The following MYO16 variants were observed in gnomAD, a reference collection of about 807,000 sequenced individuals.
MYO16 encodes the protein unconventional myosin-XVI.
MYO16 carries 94 observed loss-of-function variants against 205.3 expected under a neutral mutation model. The ratio of observed to expected loss-of-function variants is 0.46; its 90% CI spans 0.39 to 0.54. The LOEUF (loss-of-function observed/expected upper bound fraction) is 0.54. Among genes scored for constraint, MYO16 ranks in the 20% least tolerant of loss-of-function variants. MYO16 has a pLI of 0.00. For synonymous variants in MYO16, 988 were observed against 954.0 expected (o/e 1.04, Z -0.66); for missense variants, 2,315 against 2,387.5 (o/e 0.97, Z 0.63).
chr13:108,643,224 T>C (rs1566524002), intron 1 of MYO16, among the ~76,000 whole-genome samples: 1 of 152,204 alleles, frequency 6.6e-6, no homozygotes, highest in African/African-American at 2.4e-5. Flanking sequence ...CTTTGCCTTT[T>C]CCAGAATGTC....
chr13:108,858,821 A>C (rs994213206), intron 11 of MYO16, among the ~76,000 whole-genome samples: 2 of 152,108 alleles, frequency 1.3e-5, no homozygotes, highest in South Asian at 4.1e-4. Flanking sequence ...TAAAGCCGCA[A>C]CGCTTTCCCC....
At chr13:108,613,252 T>C (rs1879239678) in intron 1 of MYO16, among the ~76,000 whole-genome samples, 1 of 152,202 alleles carries the variant, frequency 6.6e-6, no homozygotes, top group Non-Finnish European at 1.5e-5. Context: ...ATAATCTTTC[T>C]GGATTTGACA....
At chr13:109,158,125 C>G (rs1878167127) in intron 32 of MYO16, among the ~76,000 whole-genome samples, 1 of 152,108 alleles carries the variant, frequency 6.6e-6, no homozygotes, top group African/African-American at 2.4e-5. Context: ...CTCATGTTCC[C>G]CAGAGTGGCC....
At chr13:109,003,696 A>G (rs933752518) in intron 21 of MYO16, among the ~76,000 whole-genome samples, 2 of 152,238 alleles carry the variant, frequency 1.3e-5, no homozygotes, top group African/African-American at 4.8e-5. Flanking sequence ...AGTGAAGCCA[A>G]TATTCAATTC....
intron 4 of MYO16, among the ~76,000 whole-genome samples, chr13:108,753,397 A>G (rs78240580): frequency 6.9e-6 from 1 of 144,038 alleles, no homozygotes; most frequent in Non-Finnish European, 1.5e-5. Context: ...AAAAAAAAAC[A>G]ATAAAATATA....
At chr13:108,735,409 G>A (rs573365500) in intron 4 of MYO16, among the ~76,000 whole-genome samples, 1 of 152,076 alleles carries the variant, frequency 6.6e-6, no homozygotes, top group East Asian at 1.9e-4. Context: ...ATCATTTCCA[G>A]CTTCATCCAT....
At chr13:108,569,244 A>G in the MYO16 span, among the ~76,000 whole-genome samples, 1 of 152,158 alleles carries the variant, frequency 6.6e-6, no homozygotes, top group African/African-American at 2.4e-5. Flanking sequence ...TTGTAAATCA[A>G]TCTGAAGAGT....
intron 9 of MYO16, among the ~76,000 whole-genome samples, chr13:108,835,088 A>ATTG (rs1555303865): frequency 1.0e-3 from 92 of 88,554 alleles, no homozygotes; most frequent in African/African-American, 2.5e-3. Context: ...ATTACTTAGA[A>ATTG]TTTTTTTTTT....
chr13:109,178,932 A>C (rs986717268), intron 33 of MYO16, among the ~76,000 whole-genome samples: 1 of 152,234 alleles, frequency 6.6e-6, no homozygotes, highest in Non-Finnish European at 1.5e-5. Flanking sequence ...GTTGAGGGAC[A>C]TGTAAAGTTT....
At chr13:109,148,782 A>G (rs1314597667) in intron 32 of MYO16, among the ~76,000 whole-genome samples, 2 of 152,182 alleles carry the variant, frequency 1.3e-5, no homozygotes, top group Non-Finnish European at 2.9e-5. Flanking sequence ...AAGAAGAAAG[A>G]GGTAAATGCC....
intron 23 of MYO16, among the ~76,000 whole-genome samples, chr13:109,033,035 G>A (rs543691126): frequency 7.2e-5 from 11 of 152,204 alleles, no homozygotes; most frequent in African/African-American, 9.6e-5. Context: ...AAATTAAGGC[G>A]TATTTATAAG....
At chr13:109,059,797 C>T (rs1887530244) in intron 27 of MYO16, among the ~76,000 whole-genome samples, 2 of 152,266 alleles carry the variant, frequency 1.3e-5, no homozygotes, top group South Asian at 2.1e-4. Flanking sequence ...GCTTCTGTTG[C>T]AATTACTTTT....
intron 2 of MYO16, among the ~76,000 whole-genome samples, chr13:108,689,063 A>C (rs1298420342): frequency 6.6e-6 from 1 of 152,204 alleles, no homozygotes; most frequent in Middle Eastern, 3.2e-3. Context: ...TATAATTATT[A>C]CAAGGAAGAA....
At chr13:108,852,751 C>A (rs1173428406) in intron 10 of MYO16, among the ~76,000 whole-genome samples, 1 of 152,154 alleles carries the variant, frequency 6.6e-6, no homozygotes, top group Non-Finnish European at 1.5e-5. Flanking sequence ...ACTAATGAGG[C>A]ACACTTAGCT....
Position 109,198,233 on chromosome 13 carries a change from C to G in MYO16, c.5416-8376C>G, listed in dbSNP as rs1880243027. On this transcript the variant is annotated intron_variant, in intron 34 of 34. Coordinates refer to ENST00000457511, the MANE Select transcript of MYO16 (RefSeq NM_001198950.3). The stretch of plus-strand genomic sequence containing the variant: ...TGAAATATAGATATTCAAGATGATA[C>G]AAAGTACAATTACTTTAAAAAGATA... Among the ~76,000 whole-genome samples, 2 of 152,026 alleles carry G rather than the reference C, an allele frequency of 1.3e-5. 1 individual carries two copies. Among genetic ancestry groups the G allele is most frequent in the South Asian group, 4.1e-4 (2 of 4,830 alleles).
At chr13:108,763,357 A>G (rs1230403334) in intron 4 of MYO16, among the ~76,000 whole-genome samples, 1 of 152,226 alleles carries the variant, frequency 6.6e-6, no homozygotes, top group Non-Finnish European at 1.5e-5. Flanking sequence ...ATAGAAACTC[A>G]CATGGGGGAT....
At chr13:108,823,409 G>T in intron 9 of MYO16, 131 bp downstream of exon 9, 2 of 739,562 alleles carry the variant, frequency 2.7e-6, no homozygotes, top group Non-Finnish European at 4.1e-6. Context: ...ATATACCAAA[G>T]AATACTTGTT....
the MYO16 span, among the ~76,000 whole-genome samples, chr13:108,538,104 T>G: frequency 7.9e-5 from 12 of 152,176 alleles, no homozygotes; most frequent in African/African-American, 2.4e-4. Flanking sequence ...CCAGAAGAGT[T>G]TTTTCTAGGT....
At chr13:108,540,081 T>A in the MYO16 span, among the ~76,000 whole-genome samples, 1 of 152,106 alleles carries the variant, frequency 6.6e-6, no homozygotes, top group East Asian at 1.9e-4. Context: ...GATTCAAGAT[T>A]TTTAGGGATG....
Sources: allele counts gnomAD v4.1 joint callset (sites outside exome capture counted in the v4.1 genomes callset), GRCh38; gene constraint gnomAD v4.1.1; transcripts MANE v1.5; gene names NCBI Gene and HGNC (gene_info 2026-07-23, HGNC 2026-07-21).